The following MADCAM1 variants were observed in gnomAD, a reference collection of about 807,000 sequenced individuals.
MADCAM1 encodes the protein mucosal addressin cell adhesion molecule 1.
Under a neutral mutation model 26.1 loss-of-function variants are expected in MADCAM1, and 19 were observed. That is an observed-to-expected ratio of 0.73 (90% CI 0.51 to 1.07). MADCAM1 has a LOEUF of 1.07. MADCAM1 is among the 50% of genes least tolerant of loss of function. The pLI, the probability that MADCAM1 is intolerant of heterozygous loss-of-function variation, is 0.00. For synonymous variants in MADCAM1, 268 were observed against 260.9 expected (o/e 1.03, Z -0.26); for missense variants, 514 against 542.1 (o/e 0.95, Z 0.51).
rs373530606 is a variant in MADCAM1, at chr19:503,407, C to T, written c.929-1338C>T. On this transcript the variant is annotated intron_variant, in intron 4 of 4. Transcript: ENST00000215637. ...CCATCCTGGCTAACACGGTGAAACC[C>T]CGTCTCCACTAAAAATACAAAAAAT... Among the ~76,000 whole-genome samples the T allele has an allele frequency of 6.2e-4, 94 of 151,236 alleles. 1 individual carries two copies. The highest frequency in any genetic ancestry group is 1.8e-3 in the African/African-American group (74 of 41,176).
chr19:498,813 C>T lies in MADCAM1; in HGVS notation c.655C>T (p.Gln219Ter). ...GCCTGGCTTGGAGCTCAGCCACCGC[C>T]AGGCCATCCCCGGTGAGTCCGCTGG... Reference protein sequence around the residue: ...RLPGLELSHRQAIPVLHSPTS... With the variant: ...RLPGLELSHR Residue 219 changes from glutamine to a stop codon, truncating the protein, a stop_gained, in exon 3 of 5, where the codon CAG (glutamine) becomes TAG (stop). Coordinates refer to ENST00000215637, the MANE Select transcript of MADCAM1 (RefSeq NM_130760.3). LOFTEE classifies it high-confidence loss of function. The T allele has an allele frequency of 6.6e-7, 1 of 1,511,324 alleles. No homozygotes were observed. Among genetic ancestry groups the T allele is most frequent in the Non-Finnish European group, 8.8e-7 (1 of 1,139,618 alleles). The allele number at this position is 1,511,324 out of a possible 1,614,324, so 93.6% of individuals were successfully genotyped here.
intron 4 of MADCAM1, among the ~76,000 whole-genome samples, chr19:503,517 C>A (rs1333409230): frequency 1.4e-5 from 2 of 147,584 alleles, no homozygotes; most frequent in East Asian, 4.1e-4. Flanking sequence ...GGAGGCGGAG[C>A]CTGCAGTGAG....
Position 501,957 on chromosome 19 carries a change from G to A in MADCAM1, c.928+28G>A, listed in dbSNP as rs1381860159. ...GAGTTCTGGTCCCTGGGGGCAGGGA[G>A]GGTGGGAAGGGCTGAGAGCGAGAGG... On this transcript the variant is annotated intron_variant, in intron 4 of 4. Coordinates refer to ENST00000215637, the MANE Select transcript of MADCAM1 (RefSeq NM_130760.3). 7 of 1,444,254 alleles carry A rather than the reference G, an allele frequency of 4.8e-6. 1 individual carries two copies. In the African/African-American group the frequency reaches 7.1e-5, roughly 15 times the overall value. The allele number at this position is 1,444,254 out of a possible 1,614,324, so 89.5% of individuals were successfully genotyped here. A position where few individuals can be genotyped will look rare whatever the true frequency, so the allele number is the denominator to read the frequency against.
In MADCAM1 at chr19:504,863, T is replaced by C. The variant is rs773603021; in HGVS notation, c.1047T>C (p.Ala349=). 2 of 1,612,958 alleles carry C rather than the reference T, an allele frequency of 1.2e-6. No homozygotes were observed. The highest frequency in any genetic ancestry group is 1.7e-6 in the Non-Finnish European group (2 of 1,179,960). Residue 349 remains alanine, a synonymous_variant, in exon 5 of 5, where the codon GCT becomes GCC. Transcript: ENST00000215637. ...TCTGGAAACGCTGCCGGCACCTGGC[T>C]GAGGACGACACCCACCCACCAGCTT... is the stretch of plus-strand genomic sequence containing the variant. ...YHLWKRCRHL[A]EDDTHPPASL...
At chr19:497,310 A>G (rs1600383278) in intron 1 of MADCAM1, among the ~76,000 whole-genome samples, 2 of 17,700 alleles carry the variant, frequency 1.1e-4, no homozygotes, top group Non-Finnish European at 1.9e-4. Flanking sequence ...GGGAGAGGGG[A>G]GGGGGTTCGG....
chr19:499,029 T>G lies in MADCAM1; in HGVS notation c.667+204T>G, dbSNP rs1978303259. Reference sequence around the variant, plus strand: ...CCCAGCACAGGTCCCACCCCTCCCCTGCCCACAGCGCTCCATGGCTCTTGC... The same window carrying G: ...CCCAGCACAGGTCCCACCCCTCCCCGGCCCACAGCGCTCCATGGCTCTTGC... On this transcript the variant is annotated intron_variant, in intron 3 of 4. Transcript: ENST00000215637. 7 of 817,906 alleles carry G rather than the reference T, an allele frequency of 8.6e-6. No individual in the cohort carries two copies. In the South Asian group the frequency reaches 1.0e-4, roughly 12 times the overall value. The allele number at this position is 817,906 out of a possible 1,614,324, so 50.7% of individuals were successfully genotyped here.
At position 504,793 on chromosome 19, in the gene MADCAM1, G is replaced by A. The variant is rs1489381692; in HGVS notation, c.977G>A (p.Ser326Asn). The A allele has an allele frequency of 1.2e-6, 2 of 1,612,758 alleles. No individual in the cohort carries two copies. Among genetic ancestry groups the A allele is most frequent in the Non-Finnish European group, 1.7e-6 (2 of 1,179,722 alleles). Residue 326 changes from serine (S) to asparagine (N), a missense_variant, in exon 5 of 5, where the codon AGT becomes AAT. Physicochemically the swap from Ser to Asn is conservative, Grantham distance 46. Coordinates refer to ENST00000215637, the MANE Select transcript of MADCAM1 (RefSeq NM_130760.3). ...CTGCCCGCGGCTCTGTGGACCAGCA[G>A]TGCGGTGCTGGGACTGCTGCTCCTG... ...DQLPAALWTS[S>N]AVLGLLLLAL...
chr19:499,017 C>T (rs1476001598), intron 3 of MADCAM1, 192 bp downstream of exon 3: 1 of 872,468 alleles, frequency 1.1e-6, no homozygotes, highest in South Asian at 1.4e-5. Flanking sequence ...AGCACAGGTC[C>T]CACCCCTCCC....
At chr19:499,189 C>T (rs1978304574) in intron 3 of MADCAM1, 4 of 506,308 alleles carry the variant, frequency 7.9e-6, no homozygotes, top group East Asian at 5.5e-5. Context: ...CTCGCCTCCT[C>T]GCTGTTCCTC....
intron 2 of MADCAM1, 64 bp downstream of exon 2, chr19:498,181 C>T (rs959293752): frequency 5.4e-6 from 7 of 1,290,030 alleles, no homozygotes; most frequent in Non-Finnish European, 6.9e-6. Flanking sequence ...CCCTATGCCA[C>T]CTCTTCCTGG....
chr19:502,038 G>A (rs892634667), intron 4 of MADCAM1, 109 bp downstream of exon 4: 34 of 1,189,350 alleles, frequency 2.9e-5, no homozygotes, highest in East Asian at 8.6e-5. Context: ...TGGTTTCCCC[G>A]TCTGCCCAGC....
rs1264673573 is a variant in MADCAM1, at chr19:504,855, C to T, written c.1039C>T (p.His347Tyr). The T allele has an allele frequency of 1.2e-6, 2 of 1,612,978 alleles. No homozygotes were observed. The highest frequency in any genetic ancestry group is 2.2e-5 in the South Asian group (2 of 91,074). ...PTYHLWKRCR[H>Y]LAEDDTHPPA... is the part of the protein sequence containing the mutation. ...CTATCACCTCTGGAAACGCTGCCGG[C>T]ACCTGGCTGAGGACGACACCCACCC... The change falls in exon 5 of 5, where the codon CAC becomes TAC. Residue 347 changes from histidine (H) to tyrosine (Y), a missense_variant. This residue lies in a region of MADCAM1 where 152 missense variants were observed against 136.7 expected (regional missense o/e 1.11). Transcript: ENST00000215637.
chr19:505,042 C>G lies in MADCAM1; in HGVS notation c.*77C>G. Reference sequence around the variant, plus strand: ...TGAGAACTGGTCAGGGCAAACCTGCCTCCCATTCTACTCAAAGTCATCCCT... The same window carrying G: ...TGAGAACTGGTCAGGGCAAACCTGCGTCCCATTCTACTCAAAGTCATCCCT... On this transcript the variant is annotated 3_prime_UTR_variant, in exon 5 of 5. Transcript: ENST00000215637. The G allele has an allele frequency of 9.5e-7, 1 of 1,056,610 alleles. No individual in the cohort carries two copies. Among genetic ancestry groups the G allele is most frequent in the Non-Finnish European group, 1.3e-6 (1 of 745,356 alleles). The allele number at this position is 1,056,610 out of a possible 1,614,324, so 65.5% of individuals were successfully genotyped here. A position where few individuals can be genotyped will look rare whatever the true frequency, so the allele number is the denominator to read the frequency against.
intron 4 of MADCAM1, among the ~76,000 whole-genome samples, chr19:502,772 C>T (rs997061424): frequency 6.6e-6 from 1 of 152,198 alleles, no homozygotes; most frequent in Non-Finnish European, 1.5e-5. Context: ...ACATATTTAT[C>T]CCTCACACAT....
chr19:498,127 C>A lies in MADCAM1; in HGVS notation c.337+10C>A, dbSNP rs1333756926. On this transcript the variant is annotated intron_variant, in intron 2 of 4. Coordinates refer to ENST00000215637, the MANE Select transcript of MADCAM1 (RefSeq NM_130760.3). ...CAGCTCCTTGTGTACGGTGAGGCGT[C>A]CCCCCGCGCCCTGCCTCTCTGACCC... 1 of 1,313,116 alleles carries A rather than the reference C, an allele frequency of 7.6e-7. No homozygotes were observed. Among genetic ancestry groups the A allele is most frequent in the Non-Finnish European group, 9.7e-7 (1 of 1,031,352 alleles). 81.3% of individuals were successfully genotyped at this position (1,313,116 alleles called of 1,614,324 possible).
rs1048430651 is a variant in MADCAM1, at chr19:505,020, G to A, written c.*55G>A. The A allele has an allele frequency of 7.3e-7, 1 of 1,367,206 alleles. No individual in the cohort carries two copies. The allele number at this position is 1,367,206 out of a possible 1,614,324, so 84.7% of individuals were successfully genotyped here. On this transcript the variant is annotated 3_prime_UTR_variant, in exon 5 of 5. Coordinates refer to ENST00000215637, the MANE Select transcript of MADCAM1 (RefSeq NM_130760.3). ...AATAGCTTGGACCCCTTCAAGTTGA[G>A]AACTGGTCAGGGCAAACCTGCCTCC...
intron 3 of MADCAM1, 143 bp downstream of exon 3, chr19:498,968 T>C: frequency 2.4e-6 from 3 of 1,225,152 alleles, no homozygotes; most frequent in Non-Finnish European, 3.4e-6. Context: ...ACAGCGACAT[T>C]CATCGACGCA....
chr19:503,363 C>G (rs563823924), intron 4 of MADCAM1, among the ~76,000 whole-genome samples: 12 of 150,898 alleles, frequency 8.0e-5, no homozygotes, highest in Non-Finnish European at 1.3e-4. Flanking sequence ...GGGCGGATCA[C>G]GAGGTCAGGA....
chr19:498,998 C>T (rs929143897), intron 3 of MADCAM1, 173 bp downstream of exon 3: 1 of 1,025,264 alleles, frequency 9.8e-7, no homozygotes, highest in Non-Finnish European at 1.5e-6. Context: ...TGCCGAGCAC[C>T]TGCCCCCCAG....
Sources: allele counts gnomAD v4.1 joint callset (sites outside exome capture counted in the v4.1 genomes callset), GRCh38; gene constraint gnomAD v4.1.1; regional missense constraint gnomAD v4.1.1; transcripts MANE v1.5; gene names NCBI Gene and HGNC (gene_info 2026-07-23, HGNC 2026-07-21).